Variants in FHIT observed in about 807,000 individuals in gnomAD.
FHIT encodes the protein bis(5'-adenosyl)-triphosphatase.
A neutral mutation model predicts 17.9 loss-of-function variants in FHIT; 19 were observed. That is an observed-to-expected ratio of 1.06 (90% confidence interval 0.74 to 1.56). FHIT has a LOEUF of 1.56. Among genes scored for constraint, FHIT ranks in the 40% most tolerant of loss-of-function variants. FHIT has a pLI of 0.00. For synonymous variants in FHIT, 81 were observed against 69.7 expected, an observed-to-expected ratio of 1.16 and a Z score of -0.81; for missense variants, 248 against 189.2, an observed-to-expected ratio of 1.31 and a Z score of -1.82.
chr3:60,132,922 G>A (rs757599699), intron 5 of FHIT, among the ~76,000 whole-genome samples: 4 of 152,092 alleles, frequency 2.6e-5, no homozygotes, highest in African/African-American at 7.2e-5. Context: ...ACTTAAATTC[G>A]CTTTTGAGTT....
chr3:60,907,321 G>T (rs1214161432), intron 3 of FHIT, among the ~76,000 whole-genome samples: 1 of 152,104 alleles, frequency 6.6e-6, no homozygotes, highest in Non-Finnish European at 1.5e-5. Context: ...CACATTGTGT[G>T]GTATTCCACA....
intron 5 of FHIT, among the ~76,000 whole-genome samples, chr3:60,366,124 T>C (rs1196966252): frequency 1.3e-5 from 2 of 152,176 alleles, no homozygotes; most frequent in Non-Finnish European, 2.9e-5. Context: ...ATCCTACAAA[T>C]CACTTTCTTG....
chr3:60,544,060 CTCTT>C (rs2036279786), intron 4 of FHIT, among the ~76,000 whole-genome samples: 1 of 151,398 alleles, frequency 6.6e-6, no homozygotes, highest in South Asian at 2.1e-4. Flanking sequence ...GCCCGGACTT[CTCTT>C]TGTTTTTATA....
intron 5 of FHIT, among the ~76,000 whole-genome samples, chr3:60,409,714 T>C (rs1476771862): frequency 2.6e-5 from 4 of 152,164 alleles, no homozygotes; most frequent in Non-Finnish European, 4.4e-5. Flanking sequence ...AATAAGTCAT[T>C]TTGGAGTTAA....
intron 5 of FHIT, among the ~76,000 whole-genome samples, chr3:60,334,813 A>G (rs1051784520): frequency 2.0e-5 from 3 of 152,234 alleles, no homozygotes; most frequent in African/African-American, 7.2e-5. Flanking sequence ...CAAAACCAAC[A>G]AACAAAAAAA....
chr3:60,278,188 C>G (rs213356), intron 5 of FHIT, among the ~76,000 whole-genome samples: 144,953 of 152,264 alleles, frequency 0.95, 69,015 homozygotes, highest in East Asian at 1. Context: ...CTATACTTTT[C>G]TGAGTTTTAT....
intron 5 of FHIT, among the ~76,000 whole-genome samples, chr3:60,270,322 T>G (rs147455039): frequency 3.2e-4 from 49 of 152,322 alleles, no homozygotes; most frequent in African/African-American, 9.6e-4. Flanking sequence ...AGAGACACAT[T>G]TGTGTCCTTC....
At chr3:60,479,864 T>A (rs779774420) in intron 5 of FHIT, among the ~76,000 whole-genome samples, 3 of 152,172 alleles carry the variant, frequency 2.0e-5, no homozygotes, top group Non-Finnish European at 4.4e-5. Context: ...CCATGACCCC[T>A]GTCTGTTGAA....
At chr3:59,813,477 CG>C (rs1339368478) in intron 8 of FHIT, among the ~76,000 whole-genome samples, 4 of 152,098 alleles carry the variant, frequency 2.6e-5, no homozygotes, top group Non-Finnish European at 5.9e-5. Flanking sequence ...ATTCCTGGAA[CG>C]CTTACTTAAT....
At chr3:60,895,712 TTCTTTCTTTC>T in intron 3 of FHIT, among the ~76,000 whole-genome samples, 1 of 128,806 alleles carries the variant, frequency 7.8e-6, no homozygotes, top group South Asian at 2.4e-4. Context: ...CTTTCTTTCT[TTCTTTCTTTC>T]TTTCTTTCTT....
At chr3:60,036,502 T>G (rs1701223505) in intron 5 of FHIT, among the ~76,000 whole-genome samples, 1 of 152,198 alleles carries the variant, frequency 6.6e-6, no homozygotes, top group Non-Finnish European at 1.5e-5. Flanking sequence ...TCGAATACCC[T>G]GGAGGCTAGT....
intron 5 of FHIT, among the ~76,000 whole-genome samples, chr3:60,281,637 G>GA (rs1707460985): frequency 1.3e-5 from 2 of 149,942 alleles, no homozygotes; most frequent in African/African-American, 2.5e-5. Flanking sequence ...AAAAAGGGGG[G>GA]ATCTACACAC....
intron 2 of FHIT, among the ~76,000 whole-genome samples, chr3:61,183,709 C>A (rs1480659994): frequency 6.6e-6 from 1 of 152,146 alleles, no homozygotes. Context: ...ATTTTTGGAC[C>A]AGATCACAAT....
At chr3:61,204,487 G>A (rs776100779) in intron 1 of FHIT, among the ~76,000 whole-genome samples, 3 of 152,006 alleles carry the variant, frequency 2.0e-5, no homozygotes, top group African/African-American at 4.8e-5. Context: ...TAGAGTAAAC[G>A]CAATCGATTC....
intron 2 of FHIT, among the ~76,000 whole-genome samples, chr3:61,047,617 A>G (rs1177889535): frequency 6.6e-6 from 1 of 152,206 alleles, no homozygotes; most frequent in African/African-American, 2.4e-5. Context: ...TCTTCATAGG[A>G]TTGGAAAAAA....
chr3:60,556,049 T>C (rs541077697), intron 4 of FHIT, among the ~76,000 whole-genome samples: 14 of 152,238 alleles, frequency 9.2e-5, no homozygotes, highest in Non-Finnish European at 1.8e-4. Flanking sequence ...TTCACTTGTA[T>C]AAGGACTTCC....
chr3:60,434,707 C>A (rs1052384955), intron 5 of FHIT, among the ~76,000 whole-genome samples: 1 of 152,214 alleles, frequency 6.6e-6, no homozygotes, highest in East Asian at 1.9e-4. Context: ...TGCTTTATAC[C>A]AAAGAGATAT....
chr3:59,801,628 C>T (rs1575518448), intron 8 of FHIT, among the ~76,000 whole-genome samples: 1 of 152,094 alleles, frequency 6.6e-6, no homozygotes, highest in South Asian at 2.1e-4. Flanking sequence ...AGCAGGGTGA[C>T]CCAATGCTCT....
intron 5 of FHIT, among the ~76,000 whole-genome samples, chr3:60,331,582 T>G (rs1004044143): frequency 3.3e-5 from 5 of 152,142 alleles, no homozygotes; most frequent in Admixed American, 2.6e-4. Flanking sequence ...TATGGTGGCT[T>G]GCGCCTGTAA....
Sources: gnomAD v4.1 joint callset for allele counts (sites outside exome capture counted in the v4.1 genomes callset) on GRCh38, gnomAD v4.1.1 for gene constraint, MANE v1.5 for transcripts, NCBI Gene and HGNC (gene_info 2026-07-23, HGNC 2026-07-21) for gene names.